TMEM70: variants seen among roughly 807,000 people sequenced by gnomAD.
The protein encoded by TMEM70 is transmembrane protein 70, also known as transmembrane protein 70, mitochondrial.
In TMEM70, 15 loss-of-function variants were observed where a neutral mutation model predicts 20.5. The observed-to-expected ratio is 0.73, with a 90% confidence interval of 0.49 to 1.13. TMEM70 has a LOEUF of 1.13. TMEM70 is among the 50% of genes most tolerant of loss of function. The probability of loss-of-function intolerance (pLI) is 0.00; values close to 1 mark genes in which losing one functional copy is unlikely to be tolerated. For missense variants in TMEM70, 344 were observed against 331.7 expected, an observed-to-expected ratio of 1.04 and a Z score of -0.29; for synonymous variants, 141 against 134.2, an observed-to-expected ratio of 1.05 and a Z score of -0.35.
Position 73,981,615 on chromosome 8 carries a change from C to G in TMEM70, c.777C>G (p.Asp259Glu), listed in dbSNP as rs1053077. The G allele has an allele frequency of 0.17, 262,789 of 1,587,426 alleles. 26,108 individuals carry two copies. The highest frequency in any genetic ancestry group is 0.37 in the African/African-American group (27,157 of 73,938). Residue 259 changes from aspartate to glutamate, a missense_variant, in exon 3 of 3, where the codon GAC becomes GAG. By Grantham distance (45) the Asp-to-Glu change is conservative. Coordinates refer to ENST00000312184, the MANE Select transcript of TMEM70 (RefSeq NM_017866.6). ...ETSEEKRHKD[D>E]K Reference sequence around the variant, plus strand: ...GTGAAGAGAAACGGCATAAAGATGACAAATGAGCCTATTTGTTAGTGTTCG... The same window carrying G: ...GTGAAGAGAAACGGCATAAAGATGAGAAATGAGCCTATTTGTTAGTGTTCG...
chr8:73,981,163 T>C lies in TMEM70; in HGVS notation c.325T>C (p.Cys109Arg). Reference protein sequence around the residue: ...NMARAVFGVKCFSYSTSLIGL... With the variant: ...NMARAVFGVKRFSYSTSLIGL... ...CTTTTTTTCCCATTTAGGTGTGAAATGTTTCTCTTATTCTACGAGTCTGAT... is the reference window on the plus strand; with the variant it reads ...CTTTTTTTCCCATTTAGGTGTGAAACGTTTCTCTTATTCTACGAGTCTGAT... The change falls in exon 3 of 3, where the codon TGT becomes CGT. Residue 109 changes from cysteine to arginine, a missense_variant. By Grantham distance (180) the Cys-to-Arg change is radical. Transcript: ENST00000312184. 1.9e-6 allele frequency: 3 copies of C among 1,613,320 alleles called. No individual in the cohort carries two copies. The highest frequency in any genetic ancestry group is 1.3e-5 in the African/African-American group (1 of 75,032).
Position 73,982,351 on chromosome 8 carries a change from T to C in TMEM70, c.*730T>C. ...ACGGTGAAGGTTCTAAGGCATGGGA[T>C]CGTTTCCAGATGAGAATCCACAAGC... On this transcript the variant is annotated 3_prime_UTR_variant, in exon 3 of 3. Coordinates refer to ENST00000312184, the MANE Select transcript of TMEM70 (RefSeq NM_017866.6). 1 of 712,924 alleles carries C rather than the reference T, an allele frequency of 1.4e-6. No individual in the cohort carries two copies. Among genetic ancestry groups the C allele is most frequent in the South Asian group, 1.3e-5 (1 of 74,618 alleles). The allele number at this position is 712,924 out of a possible 1,614,324, so 44.2% of individuals were successfully genotyped here. A position where few individuals can be genotyped will look rare whatever the true frequency, so the allele number is the denominator to read the frequency against.
intron 1 of TMEM70, among the ~76,000 whole-genome samples, chr8:73,978,451 G>A (rs1283341158): frequency 1.3e-5 from 2 of 149,858 alleles, no homozygotes; most frequent in Admixed American, 6.6e-5. Flanking sequence ...AGCACTTTGG[G>A]AGGCCAAGGT....
At position 73,976,196 on chromosome 8, in the gene TMEM70, C is replaced by T. The variant is rs774839877; in HGVS notation, c.-86C>T. On this transcript the variant is annotated 5_prime_UTR_variant, in exon 1 of 3. Transcript: ENST00000312184. ...GGCGTCCCGGGCTGGGCATGCGCCA[C>T]TTGTGCGGCAGTCGGGTGGGAAGCC... The T allele has an allele frequency of 1.5e-6, 2 of 1,328,188 alleles. No individual in the cohort carries two copies. The highest frequency in any genetic ancestry group is 2.1e-6 in the Non-Finnish European group (2 of 954,222). The allele number at this position is 1,328,188 out of a possible 1,614,324, so 82.3% of individuals were successfully genotyped here. A position where few individuals can be genotyped will look rare whatever the true frequency, so the allele number is the denominator to read the frequency against.
At chr8:73,980,458 C>G (rs1357537264) in intron 2 of TMEM70, among the ~76,000 whole-genome samples, 1 of 151,952 alleles carries the variant, frequency 6.6e-6, no homozygotes, top group Non-Finnish European at 1.5e-5. Flanking sequence ...GCCTCTACCT[C>G]CTGGGTTCAA....
chr8:73,981,738 C>A lies in TMEM70; in HGVS notation c.*117C>A. On this transcript the variant is annotated 3_prime_UTR_variant, in exon 3 of 3. Coordinates refer to ENST00000312184, the MANE Select transcript of TMEM70 (RefSeq NM_017866.6). ...TAAAAATAATTTGAAATTATCAAAG[C>A]TTTTAATTTCCAGAGAATGATGTTT... 1.2e-6 allele frequency: 1 copy of A among 834,940 alleles called. No individual in the cohort carries two copies. Among genetic ancestry groups the A allele is most frequent in the Non-Finnish European group, 2.0e-6 (1 of 510,708 alleles). 51.7% of individuals were successfully genotyped at this position (834,940 alleles called of 1,614,324 possible).
intron 2 of TMEM70, among the ~76,000 whole-genome samples, chr8:73,980,055 G>A (rs1490068426): frequency 3.3e-5 from 5 of 151,984 alleles, no homozygotes; most frequent in African/African-American, 1.2e-4. Context: ...AAGGTAATAG[G>A]TAAAAATGGT....
At chr8:73,980,071 A>C (rs142601397) in intron 2 of TMEM70, among the ~76,000 whole-genome samples, 339 of 152,092 alleles carry the variant, frequency 2.2e-3, no homozygotes, top group African/African-American at 7.7e-3. Context: ...ATGGTATCTC[A>C]GTGTTTTTTT....
intron 2 of TMEM70, among the ~76,000 whole-genome samples, chr8:73,980,374 G>C (rs28726155): frequency 0.24 from 35,259 of 145,350 alleles, 4,869 homozygotes; most frequent in African/African-American, 0.38. Flanking sequence ...ATATGTTTCT[G>C]TTTTTTTTTT....
Position 73,981,367 on chromosome 8 carries a change from G to C in TMEM70, c.529G>C (p.Asp177His). 6.2e-7 allele frequency: 1 copy of C among 1,614,182 alleles called. No individual in the cohort carries two copies. The highest frequency in any genetic ancestry group is 8.5e-7 in the Non-Finnish European group (1 of 1,180,040). The change falls in exon 3 of 3, where the codon GAC (aspartate) becomes CAC (histidine). Residue 177 changes from aspartate (D) to histidine (H), a missense_variant. By Grantham distance (81) the Asp-to-His change is moderately conservative. Coordinates refer to ENST00000312184, the MANE Select transcript of TMEM70 (RefSeq NM_017866.6). ...VIRLYHEATTDTYKAITYNAM... is the reference protein window; with the variant it reads ...VIRLYHEATTHTYKAITYNAM... ...TCGATTGTACCATGAGGCCACAACAGACACTTATAAAGCCATTACCTACAA... is the reference window on the plus strand; with the variant it reads ...TCGATTGTACCATGAGGCCACAACACACACTTATAAAGCCATTACCTACAA...
At chr8:73,979,980 A>C (rs897313697) in intron 2 of TMEM70, among the ~76,000 whole-genome samples, 2 of 152,154 alleles carry the variant, frequency 1.3e-5, no homozygotes, top group Non-Finnish European at 2.9e-5. Flanking sequence ...ACACCTTCCA[A>C]AGTGCTGAGA....
rs1815810620 is a variant in TMEM70, at chr8:73,981,805, T to G, written c.*184T>G. 1 of 687,876 alleles carries G rather than the reference T, an allele frequency of 1.5e-6. No individual in the cohort carries two copies. The highest frequency in any genetic ancestry group is 1.8e-5 in the African/African-American group (1 of 56,878). 42.6% of individuals were successfully genotyped at this position (687,876 alleles called of 1,614,324 possible). On this transcript the variant is annotated 3_prime_UTR_variant, in exon 3 of 3. Transcript: ENST00000312184. ...GCTATGTTTGAAAACCAAAATGTAG[T>G]ATCTACCATTCGTGTTTTAGAAAGG...
chr8:73,976,527 G>A (rs2131231238), intron 1 of TMEM70, 36 bp downstream of exon 1: 2 of 1,476,452 alleles, frequency 1.4e-6, no homozygotes, highest in South Asian at 1.3e-5. Context: ...CAAGTGAGGC[G>A]GGGAGGGCGG....
intron 1 of TMEM70, among the ~76,000 whole-genome samples, chr8:73,977,105 A>G (rs1020195714): frequency 6.6e-6 from 1 of 152,348 alleles, no homozygotes; most frequent in South Asian, 2.1e-4. Context: ...TGAAGTGTAT[A>G]CACTGTGAAA....
intron 2 of TMEM70, among the ~76,000 whole-genome samples, chr8:73,979,589 A>G (rs1350107996): frequency 6.6e-6 from 1 of 152,136 alleles, no homozygotes; most frequent in Admixed American, 6.5e-5. Context: ...TGAAGTATAC[A>G]GTTTAGAAGC....
In TMEM70 at chr8:73,982,470, C is replaced by A; in HGVS notation, c.*849C>A. 1 of 740,800 alleles carries A rather than the reference C, an allele frequency of 1.3e-6. No individual in the cohort carries two copies. The highest frequency in any genetic ancestry group is 2.4e-6 in the Non-Finnish European group (1 of 425,358). 45.9% of individuals were successfully genotyped at this position (740,800 alleles called of 1,614,324 possible). On this transcript the variant is annotated 3_prime_UTR_variant, in exon 3 of 3. Coordinates refer to ENST00000312184, the MANE Select transcript of TMEM70 (RefSeq NM_017866.6). Reference sequence around the variant, plus strand: ...GAGATGGAAGTCACCATTGCAAATGCTTAAGTCAACTGTTTTCATAAATTG... The same window carrying A: ...GAGATGGAAGTCACCATTGCAAATGATTAAGTCAACTGTTTTCATAAATTG...
In TMEM70 at chr8:73,981,358, G is replaced by A. The variant is rs1815793147; in HGVS notation, c.520G>A (p.Ala174Thr). ...KGYVIRLYHEATTDTYKAITY... is the reference protein window; with the variant it reads ...KGYVIRLYHETTTDTYKAITY... ...CTATGTCATTCGATTGTACCATGAG[G>A]CCACAACAGACACTTATAAAGCCAT... The change falls in exon 3 of 3, where the codon GCC (alanine) becomes ACC (threonine). Residue 174 changes from alanine (A) to threonine (T), a missense_variant. Transcript: ENST00000312184. 1 of 1,614,044 alleles carries A rather than the reference G, an allele frequency of 6.2e-7. No individual in the cohort carries two copies. Among genetic ancestry groups the A allele is most frequent in the Non-Finnish European group, 8.5e-7 (1 of 1,180,048 alleles).
chr8:73,980,385 TTG>T (rs1043563910), intron 2 of TMEM70, among the ~76,000 whole-genome samples: 3 of 152,160 alleles, frequency 2.0e-5, no homozygotes, highest in African/African-American at 7.2e-5. Flanking sequence ...TTTTTTTTTT[TTG>T]AGATGGAGTC....
At chr8:73,976,903 C>T (rs1273506362) in intron 1 of TMEM70, among the ~76,000 whole-genome samples, 1 of 152,180 alleles carries the variant, frequency 6.6e-6, no homozygotes, top group South Asian at 2.1e-4. Flanking sequence ...TTAAGAATTA[C>T]TTTGGTCCCT....
Sources: gnomAD v4.1 joint callset for allele counts (sites outside exome capture counted in the v4.1 genomes callset) on GRCh38, gnomAD v4.1.1 for gene constraint, MANE v1.5 for transcripts, NCBI Gene and HGNC (gene_info 2026-07-23, HGNC 2026-07-21) for gene names.